SNRNP40: variants seen among roughly 807,000 people sequenced by gnomAD.
SNRNP40 encodes U5 small nuclear ribonucleoprotein 40 kDa protein.
In SNRNP40, 21 loss-of-function variants were observed where a neutral mutation model predicts 45.8. The observed-to-expected ratio is 0.46, with a 90% CI of 0.32 to 0.66. The LOEUF is 0.66. Among genes scored for constraint, SNRNP40 ranks in the 30% least tolerant of loss-of-function variants. SNRNP40 has a pLI of 0.03. For synonymous variants in SNRNP40, 142 were observed against 163.8 expected (o/e 0.87, Z 1.01); for missense variants, 344 against 439.1 (o/e 0.78, Z 1.94).
rs968300566 is a variant in SNRNP40 at position 31,281,340 on chromosome 1, T to C, written c.654+34A>G. The C allele has an allele frequency of 2.6e-6, 4 of 1,531,534 alleles. No individual in the cohort carries two copies. The South Asian group carries it at 4.9e-5, about 19-fold the overall frequency. The allele number at this position is 1,531,534 out of a possible 1,614,324, so 94.9% of individuals were successfully genotyped here. ...AAATTCGTTTCTAAGTGCAGATAGA[T>C]GAAATGGAAATATATCATAAACATC... On this transcript the variant is annotated intron_variant, in intron 5 of 9. Coordinates refer to ENST00000263694, the MANE Select transcript of SNRNP40 (RefSeq NM_004814.3).
intron 4 of SNRNP40, chr1:31,282,620 TATC>T (rs1190271518): frequency 6.6e-6 from 1 of 150,982 alleles, no homozygotes; most frequent in Non-Finnish European, 1.5e-5. Context: ...TCTATCTTTC[TATC>T]ATCTATATCT....
chr1:31,280,718 A>G (rs1012707643), intron 5 of SNRNP40, among the ~76,000 whole-genome samples: 1 of 151,966 alleles, frequency 6.6e-6, no homozygotes, highest in Admixed American at 6.6e-5. Context: ...AAGTGCTCTA[A>G]TGAATCAGGC....
intron 2 of SNRNP40, 36 bp from the exon 3 acceptor site, chr1:31,292,042 C>T (rs1646111288): frequency 3.0e-6 from 4 of 1,327,018 alleles, no homozygotes; most frequent in Non-Finnish European, 4.4e-6. Context: ...CATTACTAGG[C>T]AAAGGGTACT....
At chr1:31,266,765 T>C (rs569400240) in intron 8 of SNRNP40, among the ~76,000 whole-genome samples, 1 of 152,200 alleles carries the variant, frequency 6.6e-6, no homozygotes, top group Non-Finnish European at 1.5e-5. Context: ...TACCAATAGC[T>C]GAGCTGCTAT....
chr1:31,283,252 A>G (rs975794187), intron 4 of SNRNP40, among the ~76,000 whole-genome samples: 2 of 152,222 alleles, frequency 1.3e-5, no homozygotes, highest in Admixed American at 1.3e-4. Flanking sequence ...TAACGAAAAA[A>G]AGAATTCAGT....
At chr1:31,284,743 T>G (rs113555311) in intron 4 of SNRNP40, among the ~76,000 whole-genome samples, 2 of 152,186 alleles carry the variant, frequency 1.3e-5, no homozygotes, top group African/African-American at 4.8e-5. Flanking sequence ...CTGAGTAGGA[T>G]CTGTGCCAAG....
chr1:31,267,594 G>A (rs796141373), intron 8 of SNRNP40, among the ~76,000 whole-genome samples: 4 of 152,152 alleles, frequency 2.6e-5, no homozygotes, highest in East Asian at 1.9e-4. Context: ...GCAGTGCAAC[G>A]GCGTGATCTC....
At chr1:31,263,617 T>C (rs774938412) in intron 8 of SNRNP40, 1 of 470,700 alleles carries the variant, frequency 2.1e-6, no homozygotes, top group Non-Finnish European at 4.2e-6. Context: ...TGAGATTTTA[T>C]GAGCTCATCT....
Position 31,269,424 on chromosome 1 carries a change from T to C in SNRNP40, c.776-184A>G, listed in dbSNP as rs534806922. 2.4e-5 allele frequency: 32 copies of C among 1,343,430 alleles called. No homozygotes were observed. In the Middle Eastern group the frequency reaches 5.9e-4, roughly 25 times the overall value. 83.2% of individuals were successfully genotyped at this position (1,343,430 alleles called of 1,614,324 possible). ...TTTCTTTTTCAAGCAGGAAAACACA[T>C]CTAAATCCCAATAACTGGGGCTAGC... On this transcript the variant is annotated intron_variant, in intron 6 of 9. Transcript: ENST00000263694.
Position 31,270,588 on chromosome 1 carries a change from G to C in SNRNP40, c.775+791C>G, listed in dbSNP as rs528501300. On this transcript the variant is annotated intron_variant, in intron 6 of 9. Transcript: ENST00000263694. ...TATGAAAAAAGTATTATCAATCCTTGGAGTCAGACAGGCATAAAAAGGCAA... is the reference window on the plus strand; with the variant it reads ...TATGAAAAAAGTATTATCAATCCTTCGAGTCAGACAGGCATAAAAAGGCAA... 2.6e-5 allele frequency among the ~76,000 whole-genome samples: 4 copies of C among 152,264 alleles called. No individual in the cohort carries two copies. In the East Asian group the frequency reaches 7.7e-4, roughly 29 times the overall value.
At chr1:31,275,018 A>G (rs1645965190) in intron 5 of SNRNP40, among the ~76,000 whole-genome samples, 1 of 152,196 alleles carries the variant, frequency 6.6e-6, no homozygotes, top group African/African-American at 2.4e-5. Flanking sequence ...TTTGTCACAC[A>G]AGGGCTCAAG....
At chr1:31,263,875 G>A (rs557643846) in intron 8 of SNRNP40, among the ~76,000 whole-genome samples, 24 of 127,166 alleles carry the variant, frequency 1.9e-4, no homozygotes, top group African/African-American at 6.4e-4. Context: ...ATATACTCTC[G>A]TATTTTACTT....
Position 31,274,660 on chromosome 1 carries a change from A to AC in SNRNP40, c.655-3162_655-3161insG, listed in dbSNP as rs1645962938. On this transcript the variant is annotated intron_variant, in intron 5 of 9. Transcript: ENST00000263694. Reference sequence around the variant, plus strand: ...ACCATTACATTAAAAAAAAAAAAAAAAAAAACCAAACTGAACTCCCATCCT... The same window carrying AC: ...ACCATTACATTAAAAAAAAAAAAAAACAAAAACCAAACTGAACTCCCATCCT... Among the ~76,000 whole-genome samples the AC allele has an allele frequency of 2.0e-5, 3 of 150,934 alleles. No individual in the cohort carries two copies. The South Asian group carries it at 6.3e-4, about 32-fold the overall frequency.
At position 31,296,699 on chromosome 1, in the gene SNRNP40, T is replaced by C; in HGVS notation, c.53A>G (p.Lys18Arg). ...CAACAGCAACTCATGCCGCTGCCGC[T>C]TGACTGGAACCAGCGGCAACTCTGG... is the stretch of plus-strand genomic sequence containing the variant. The part of the protein sequence containing the change: ...KGPELPLVPV[K>R]RQRHELLLGA... The change falls in exon 1 of 10, where the codon AAG becomes AGG. Residue 18 changes from lysine to arginine, a missense_variant. This residue lies in a region of SNRNP40 where 90 missense variants were observed against 58.9 expected (regional missense o/e 1.53). Transcript: ENST00000263694. The C allele has an allele frequency of 2.5e-6, 4 of 1,613,806 alleles. No individual in the cohort carries two copies. Among genetic ancestry groups the C allele is most frequent in the Non-Finnish European group, 3.4e-6 (4 of 1,179,846 alleles).
chr1:31,264,910 C>T (rs1314889591), intron 8 of SNRNP40, among the ~76,000 whole-genome samples: 1 of 152,158 alleles, frequency 6.6e-6, no homozygotes, highest in Non-Finnish European at 1.5e-5. Flanking sequence ...ACTTCAAGGT[C>T]TCACTCTTGA....
intron 5 of SNRNP40, among the ~76,000 whole-genome samples, chr1:31,272,118 A>C (rs191670113): frequency 6.6e-6 from 1 of 152,374 alleles, no homozygotes; most frequent in East Asian, 1.9e-4. Context: ...TATGATTCTT[A>C]GCCATTAAAA....
At chr1:31,260,208 G>T in intron 9 of SNRNP40, 87 bp from the exon 10 acceptor site, 1 of 852,770 alleles carries the variant, frequency 1.2e-6, no homozygotes, top group Non-Finnish European at 1.8e-6. Context: ...AGCCAATTCT[G>T]GTATAAAAGA....
In SNRNP40 at chr1:31,271,359, G is replaced by A; in HGVS notation, c.775+20C>T. The A allele has an allele frequency of 6.2e-7, 1 of 1,600,220 alleles. No homozygotes were observed. Among genetic ancestry groups the A allele is most frequent in the Non-Finnish European group, 8.5e-7 (1 of 1,176,056 alleles). On this transcript the variant is annotated intron_variant, in intron 6 of 9. Transcript: ENST00000263694. ...GACTTTTTCCTTGGATCCTGGGAGA[G>A]ATTTCCTTTCCAAAGTTACCTGTAT...
At chr1:31,285,851 A>C (rs1408416194) in intron 4 of SNRNP40, among the ~76,000 whole-genome samples, 3 of 152,204 alleles carry the variant, frequency 2.0e-5, no homozygotes, top group Non-Finnish European at 4.4e-5. Context: ...GATTTAAGTT[A>C]TACATCTTTG....
Sources: gnomAD v4.1 joint callset for allele counts (sites outside exome capture counted in the v4.1 genomes callset) on GRCh38, gnomAD v4.1.1 for gene constraint, gnomAD v4.1.1 regional missense constraint, MANE v1.5 for transcripts, NCBI Gene and HGNC (gene_info 2026-07-23, HGNC 2026-07-21) for gene names.